Variants in ADARB2 observed in about 807,000 individuals in gnomAD.
ADARB2 encodes the protein adenosine deaminase RNA specific B2 (inactive).
A neutral mutation model predicts 62.2 loss-of-function variants in ADARB2; 25 were observed. The observed-to-expected ratio is 0.40, with a 90% CI of 0.29 to 0.56. The LOEUF (loss-of-function observed/expected upper bound fraction) is 0.56, where lower values mean the gene tolerates loss of function less well. Among genes scored for constraint, ADARB2 ranks in the 20% least tolerant of loss-of-function variants. The probability of loss-of-function intolerance (pLI) is 0.43; values close to 1 mark genes in which losing one functional copy is unlikely to be tolerated. For missense variants in ADARB2, 1,071 were observed against 1,077.4 expected, an observed-to-expected ratio of 0.99 and a Z score of 0.08; for synonymous variants, 572 against 500.8, an observed-to-expected ratio of 1.14 and a Z score of -1.90.
intron 1 of ADARB2, among the ~76,000 whole-genome samples, chr10:1,455,228 C>T (rs1831083086): frequency 6.6e-6 from 1 of 152,148 alleles, no homozygotes. Context: ...AGATGCTTCC[C>T]TGTTCTTTTG....
intron 1 of ADARB2, among the ~76,000 whole-genome samples, chr10:1,616,477 C>T (rs1246370760): frequency 6.6e-6 from 1 of 151,212 alleles, no homozygotes; most frequent in Non-Finnish European, 1.5e-5. Context: ...ACACACTCCA[C>T]ACCACCCTGC....
intron 1 of ADARB2, among the ~76,000 whole-genome samples, chr10:1,433,624 G>T (rs1264837545): frequency 6.6e-6 from 1 of 152,112 alleles, no homozygotes; most frequent in Non-Finnish European, 1.5e-5. Flanking sequence ...GATCCACTTT[G>T]TCCAACCCTG....
At chr10:1,503,656 G>C (rs1480610852) in intron 1 of ADARB2, among the ~76,000 whole-genome samples, 1 of 152,136 alleles carries the variant, frequency 6.6e-6, no homozygotes, top group Non-Finnish European at 1.5e-5. Flanking sequence ...CTCAGTGTTA[G>C]AGGTGGGGCT....
At chr10:1,387,432 T>C (rs933241285) in intron 1 of ADARB2, among the ~76,000 whole-genome samples, 1 of 151,998 alleles carries the variant, frequency 6.6e-6, no homozygotes, top group South Asian at 2.1e-4. Context: ...GATCTTACTA[T>C]AGTTCCTGCA....
At chr10:1,600,398 C>T (rs563601447) in intron 1 of ADARB2, among the ~76,000 whole-genome samples, 54 of 152,156 alleles carry the variant, frequency 3.5e-4, no homozygotes, top group African/African-American at 9.6e-4. Flanking sequence ...CAGTGGCTCA[C>T]GCCTATAATC....
chr10:1,446,298 T>C (rs1283631278), intron 1 of ADARB2, among the ~76,000 whole-genome samples: 2 of 95,190 alleles, frequency 2.1e-5, no homozygotes, highest in African/African-American at 7.5e-5. Flanking sequence ...GAAAGAATTC[T>C]GTGAACTACC....
chr10:1,694,285 T>C (rs867498088), intron 1 of ADARB2, among the ~76,000 whole-genome samples: 1 of 152,252 alleles, frequency 6.6e-6, no homozygotes, highest in Admixed American at 6.5e-5. Context: ...AAATTCATGC[T>C]TAAAATAGCA....
intron 3 of ADARB2, among the ~76,000 whole-genome samples, chr10:1,314,147 A>T (rs1036259825): frequency 1.3e-5 from 2 of 152,038 alleles, no homozygotes; most frequent in Non-Finnish European, 2.9e-5. Context: ...TCTTATTTTG[A>T]ACTCTGTCTT....
intron 4 of ADARB2, among the ~76,000 whole-genome samples, chr10:1,256,515 C>T (rs1237501547): frequency 6.6e-6 from 1 of 152,170 alleles, no homozygotes; most frequent in African/African-American, 2.4e-5. Context: ...TGCAACACTG[C>T]TAATCAGCTA....
intron 1 of ADARB2, among the ~76,000 whole-genome samples, chr10:1,481,740 C>T (rs1173294369): frequency 1.3e-5 from 2 of 151,740 alleles, no homozygotes; most frequent in Admixed American, 6.6e-5. Flanking sequence ...GCCTGTAATC[C>T]CAGCTACTCA....
chr10:1,470,996 T>C (rs1831314658), intron 1 of ADARB2, among the ~76,000 whole-genome samples: 1 of 152,102 alleles, frequency 6.6e-6, no homozygotes, highest in South Asian at 2.1e-4. Flanking sequence ...GAGGCGGAGC[T>C]TGCAGTGAGC....
Position 1,360,972 on chromosome 10 carries a change from G to A in ADARB2, c.1077+2056C>T, listed in dbSNP as rs533371436. 2.6e-5 allele frequency: 4 copies of A among 152,510 alleles called. No individual in the cohort carries two copies. The East Asian group carries it at 5.8e-4, about 22-fold the overall frequency. 9.4% of individuals were successfully genotyped at this position (152,510 alleles called of 1,614,324 possible). A position where few individuals can be genotyped will look rare whatever the true frequency, so the allele number is the denominator to read the frequency against. On this transcript the variant is annotated intron_variant, in intron 3 of 9. Coordinates refer to ENST00000381312, the MANE Select transcript of ADARB2 (RefSeq NM_018702.4). ...ATTTCACATGAGTGGGACGCAGGAGGGGGGCTGGGGAGGGTGGAGGGATGT... is the reference window on the plus strand; with the variant it reads ...ATTTCACATGAGTGGGACGCAGGAGAGGGGCTGGGGAGGGTGGAGGGATGT...
chr10:1,621,237 A>G lies in ADARB2; in HGVS notation c.100+115814T>C, dbSNP rs138511160. On this transcript the variant is annotated intron_variant, in intron 1 of 9. Coordinates refer to ENST00000381312, the MANE Select transcript of ADARB2 (RefSeq NM_018702.4). The stretch of plus-strand genomic sequence containing the variant: ...AGAAAATCTGATAGAATCAACAAAA[A>G]ATATATTAGAACTAGTAGGTATTTT... Among the ~76,000 whole-genome samples, 369 of 152,344 alleles carry G rather than the reference A, an allele frequency of 2.4e-3. 1 individual carries two copies. The highest frequency in any genetic ancestry group is 8.3e-3 in the African/African-American group (347 of 41,574).
chr10:1,319,317 CAG>C (rs1052590903), intron 3 of ADARB2, among the ~76,000 whole-genome samples: 14 of 152,232 alleles, frequency 9.2e-5, no homozygotes, highest in Admixed American at 9.2e-4. Context: ...TAGAATAAAA[CAG>C]AAAAATAGCA....
chr10:1,722,118 TAG>T (rs1488697973), intron 1 of ADARB2, among the ~76,000 whole-genome samples: 2 of 152,202 alleles, frequency 1.3e-5, no homozygotes, highest in African/African-American at 4.8e-5. Context: ...TGAAATTGTG[TAG>T]ACTCTATTTC....
rs551586134 is a variant in ADARB2 at position 1,217,146 on chromosome 10, T to G, written c.1514-27A>C. 37 of 1,534,060 alleles carry G rather than the reference T, an allele frequency of 2.4e-5. No individual in the cohort carries two copies. The South Asian group carries it at 4.5e-4, about 19-fold the overall frequency. On this transcript the variant is annotated intron_variant, in intron 6 of 9. Transcript: ENST00000381312. Reference sequence around the variant, plus strand: ...TAGGAGATAAAAGGGCGGGGAGGGGTGAGAAGAGGGAAGCCGCCTTGGTTT... The same window carrying G: ...TAGGAGATAAAAGGGCGGGGAGGGGGGAGAAGAGGGAAGCCGCCTTGGTTT...
intron 3 of ADARB2, among the ~76,000 whole-genome samples, chr10:1,303,598 G>A (rs2131818823): frequency 6.6e-6 from 1 of 151,742 alleles, no homozygotes; most frequent in South Asian, 2.1e-4. Flanking sequence ...AAGTTGAAAT[G>A]AAGGAAAAAA....
intron 2 of ADARB2, 60 bp from the exon 3 acceptor site, chr10:1,363,977 A>C (rs891523017): frequency 7.1e-6 from 10 of 1,411,512 alleles, no homozygotes; most frequent in Non-Finnish European, 9.2e-6. Flanking sequence ...CGATGGGCAC[A>C]GCAGGCACTC....
intron 5 of ADARB2, 78 bp from the exon 6 acceptor site, chr10:1,233,923 C>T: frequency 6.9e-7 from 1 of 1,442,648 alleles, no homozygotes; most frequent in South Asian, 1.4e-5. Flanking sequence ...CGCTTGAGTC[C>T]TGTTTTGTAG....
Sources: allele counts gnomAD v4.1 joint callset (sites outside exome capture counted in the v4.1 genomes callset), GRCh38; gene constraint gnomAD v4.1.1; transcripts MANE v1.5; gene names NCBI Gene and HGNC (gene_info 2026-07-23, HGNC 2026-07-21).